MARCHF1: variants seen among roughly 807,000 people sequenced by gnomAD.
MARCHF1 encodes E3 ubiquitin-protein ligase MARCHF1.
In MARCHF1, 40 loss-of-function variants were observed where a neutral mutation model predicts 54.2. The observed-to-expected ratio is 0.74, with a 90% CI of 0.57 to 0.96. The LOEUF is 0.96. Among genes scored for constraint, MARCHF1 ranks in the 40% least tolerant of loss-of-function variants. The pLI is 0.00. For synonymous variants in MARCHF1, 236 were observed against 236.3 expected (o/e 1.00, Z 0.01); for missense variants, 586 against 656.5 (o/e 0.89, Z 1.17).
intron 5 of MARCHF1, among the ~76,000 whole-genome samples, chr4:163,682,884 A>G (rs1261640943): frequency 6.6e-6 from 1 of 152,176 alleles, no homozygotes; most frequent in South Asian, 2.1e-4. Flanking sequence ...TTTATAAATT[A>G]CTCAGTCTTG....
At chr4:164,256,806 A>ATAT (rs1296998840) in intron 1 of MARCHF1, among the ~76,000 whole-genome samples, 6 of 152,212 alleles carry the variant, frequency 3.9e-5, no homozygotes, top group Admixed American at 6.5e-5. Context: ...ATATACTTAC[A>ATAT]GCCGGGAACA....
At chr4:163,974,382 A>G (rs1049973898) in intron 3 of MARCHF1, among the ~76,000 whole-genome samples, 5 of 152,212 alleles carry the variant, frequency 3.3e-5, no homozygotes, top group Non-Finnish European at 7.3e-5. Context: ...TGACACAAAC[A>G]GCTATGTGTG....
rs550440414 is a variant in MARCHF1 at position 164,231,500 on chromosome 4, C to T, written c.-322-119838G>A. 1.6e-4 allele frequency among the ~76,000 whole-genome samples: 24 copies of T among 152,100 alleles called. No individual in the cohort carries two copies. The East Asian group carries it at 2.7e-3, about 17-fold the overall frequency. ...TGTGTAAATTGTTCATATTTTGAAA[C>T]GGTTAACATGACATCTTTTAATTTT... On this transcript the variant is annotated intron_variant, in intron 1 of 9. Transcript: ENST00000514618.
intron 4 of MARCHF1, among the ~76,000 whole-genome samples, chr4:163,775,184 C>T (rs1327177756): frequency 1.3e-5 from 2 of 152,128 alleles, no homozygotes; most frequent in Non-Finnish European, 2.9e-5. Flanking sequence ...ACAGCTTTTG[C>T]ATTGCTGTTC....
intron 1 of MARCHF1, among the ~76,000 whole-genome samples, chr4:164,264,107 G>C (rs1733540636): frequency 1.3e-5 from 2 of 152,128 alleles, no homozygotes; most frequent in South Asian, 4.1e-4. Context: ...GCCCATCAAT[G>C]ACAGATTGGA....
intron 4 of MARCHF1, among the ~76,000 whole-genome samples, chr4:163,803,822 T>C (rs1307191169): frequency 6.6e-6 from 1 of 152,184 alleles, no homozygotes; most frequent in Non-Finnish European, 1.5e-5. Flanking sequence ...TATATCGGTA[T>C]ATTCTTAAAG....
intron 1 of MARCHF1, among the ~76,000 whole-genome samples, chr4:164,336,855 C>T (rs1159781465): frequency 6.6e-6 from 1 of 152,184 alleles, no homozygotes; most frequent in African/African-American, 2.4e-5. Context: ...CAAATTTATA[C>T]ACACTGGCAT....
At chr4:163,846,886 T>G (rs560565179) in intron 4 of MARCHF1, among the ~76,000 whole-genome samples, 7 of 152,232 alleles carry the variant, frequency 4.6e-5, no homozygotes, top group Non-Finnish European at 8.8e-5. Flanking sequence ...CTTAATAAAA[T>G]TTGTGGAATG....
chr4:163,712,164 T>G (rs1156362699), intron 4 of MARCHF1, among the ~76,000 whole-genome samples: 2 of 152,178 alleles, frequency 1.3e-5, no homozygotes, highest in East Asian at 3.8e-4. Flanking sequence ...AATGTTTTCA[T>G]TAGTGTTTTT....
chr4:163,761,307 G>A (rs1746819539), intron 4 of MARCHF1, among the ~76,000 whole-genome samples: 1 of 152,196 alleles, frequency 6.6e-6, no homozygotes, highest in Non-Finnish European at 1.5e-5. Context: ...AGTCTGCAGG[G>A]CAGAAAGCAG....
intron 3 of MARCHF1, among the ~76,000 whole-genome samples, chr4:163,902,284 T>A (rs1289824837): frequency 6.6e-6 from 1 of 152,142 alleles, no homozygotes; most frequent in Admixed American, 6.6e-5. Flanking sequence ...AATGCTAATT[T>A]AAAAAATCTA....
intron 4 of MARCHF1, among the ~76,000 whole-genome samples, chr4:163,715,736 GATAAA>G (rs2067374): frequency 0.28 from 43,010 of 151,506 alleles, 6,593 homozygotes; most frequent in South Asian, 0.37. Context: ...ACTCACTAGG[GATAAA>G]ATAAAATAAA....
chr4:163,795,449 C>T (rs938699925), intron 4 of MARCHF1, among the ~76,000 whole-genome samples: 2 of 152,236 alleles, frequency 1.3e-5, no homozygotes, highest in African/African-American at 2.4e-5. Flanking sequence ...AGGCTGGTCT[C>T]GAACTCCCAG....
chr4:163,547,837 T>G (rs1413998549), intron 8 of MARCHF1, among the ~76,000 whole-genome samples: 2 of 152,232 alleles, frequency 1.3e-5, no homozygotes, highest in Non-Finnish European at 2.9e-5. Context: ...CTCCTCCTAC[T>G]GGCCAATCAT....
intron 4 of MARCHF1, among the ~76,000 whole-genome samples, chr4:163,840,384 A>C (rs542748202): frequency 1.5e-4 from 23 of 152,054 alleles, no homozygotes; most frequent in Non-Finnish European, 2.4e-4. Flanking sequence ...TTACTTATTT[A>C]TTTTTATAAA....
At chr4:164,301,289 A>G (rs17044879) in intron 1 of MARCHF1, among the ~76,000 whole-genome samples, 2,326 of 152,284 alleles carry the variant, frequency 0.015, 71 homozygotes, top group African/African-American at 0.053. Flanking sequence ...AGATGGAAAA[A>G]TAAACTGTTT....
chr4:163,944,173 G>A (rs1416568755), intron 3 of MARCHF1, among the ~76,000 whole-genome samples: 3 of 148,348 alleles, frequency 2.0e-5, no homozygotes, highest in Non-Finnish European at 4.5e-5. Context: ...TAGTAGAGAT[G>A]GGGTTTCACC....
intron 4 of MARCHF1, among the ~76,000 whole-genome samples, chr4:163,771,477 C>T (rs1271716951): frequency 2.6e-5 from 4 of 152,118 alleles, no homozygotes; most frequent in African/African-American, 9.7e-5. Context: ...CTGATGAGGG[C>T]CTACTCCCTA....
chr4:164,021,758 C>A (rs902506038), intron 2 of MARCHF1, among the ~76,000 whole-genome samples: 8 of 151,630 alleles, frequency 5.3e-5, no homozygotes, highest in Admixed American at 3.9e-4. Flanking sequence ...TCAGGAGATG[C>A]GGACAGAATT....
Sources: allele counts gnomAD v4.1 joint callset (sites outside exome capture counted in the v4.1 genomes callset), GRCh38; gene constraint gnomAD v4.1.1; transcripts MANE v1.5; gene names NCBI Gene and HGNC (gene_info 2026-07-23, HGNC 2026-07-21).